TEX9: variants seen among roughly 807,000 people sequenced by gnomAD.
TEX9 encodes the protein testis-expressed protein 9.
A neutral mutation model predicts 59.6 loss-of-function variants in TEX9; 74 were observed. The observed-to-expected ratio is 1.24, with a 90% CI of 1.03 to 1.51. The LOEUF (loss-of-function observed/expected upper bound fraction) is 1.51. TEX9 is among the 40% of genes most tolerant of loss of function. The pLI is 0.00. For synonymous variants in TEX9, 186 were observed against 152.2 expected (o/e 1.22, Z -1.64); for missense variants, 522 against 447.8 (o/e 1.17, Z -1.49).
At chr15:56,369,266 T>C (rs1213342111) in intron 2 of TEX9, among the ~76,000 whole-genome samples, 1 of 151,870 alleles carries the variant, frequency 6.6e-6, no homozygotes, top group Admixed American at 6.6e-5. Context: ...TTATGGCTCA[T>C]TGCAGCTTCC....
rs754376563 is a variant in TEX9, at chr15:56,412,314, A to G, written c.841A>G (p.Lys281Glu). The change falls in exon 10 of 13, where the codon AAA (lysine) becomes GAA (glutamate). Residue 281 changes from lysine (K) to glutamate (E), a missense_variant. Lys to Glu is a moderately conservative substitution (Grantham distance 56). Coordinates refer to ENST00000352903, the Ensembl canonical transcript of TEX9. ...TTTTACTATACAGGAATTAGAAAAT[A>G]AAAGAAGACTGCAAAAACAGGCTGC... 2.1e-5 allele frequency: 34 copies of G among 1,609,356 alleles called. No individual in the cohort carries two copies. The highest frequency in any genetic ancestry group is 2.7e-5 in the Non-Finnish European group (32 of 1,178,682).
At chr15:56,453,454 T>A in the TEX9 span, among the ~76,000 whole-genome samples, 1 of 152,150 alleles carries the variant, frequency 6.6e-6, no homozygotes, top group African/African-American at 2.4e-5. Context: ...AGCTTGATTA[T>A]CAGTCCAGAA....
At chr15:56,443,056 T>C (rs184850131) in intron 12 of TEX9, among the ~76,000 whole-genome samples, 10 of 152,310 alleles carry the variant, frequency 6.6e-5, no homozygotes, top group Admixed American at 6.5e-4. Flanking sequence ...GAATTTACTG[T>C]ATTATCATGA....
intron 1 of TEX9, among the ~76,000 whole-genome samples, chr15:56,324,637 G>A (rs1318961023): frequency 6.6e-6 from 1 of 152,216 alleles, no homozygotes; most frequent in Admixed American, 6.5e-5. Flanking sequence ...GTATGGAAAT[G>A]TGGTGAACTC....
At chr15:56,342,359 A>G (rs1853463355) in intron 1 of TEX9, among the ~76,000 whole-genome samples, 1 of 152,170 alleles carries the variant, frequency 6.6e-6, no homozygotes, top group South Asian at 2.1e-4. Flanking sequence ...ACCTCTACTC[A>G]GTTTTTGAAA....
intron 3 of TEX9, 138 bp from the exon 4 acceptor site, chr15:56,383,814 A>G (rs2047841102): frequency 3.5e-6 from 2 of 570,158 alleles, no homozygotes; most frequent in African/African-American, 1.9e-5. Context: ...ATACTATAGC[A>G]TTTAGAATTC....
chr15:56,267,509 G>T (rs111586643), intron 1 of TEX9, among the ~76,000 whole-genome samples: 1 of 152,098 alleles, frequency 6.6e-6, no homozygotes, highest in African/African-American at 2.4e-5. Context: ...TTCGTATAAC[G>T]TGTAAGGAAG....
intron 1 of TEX9, among the ~76,000 whole-genome samples, chr15:56,285,664 A>G (rs1189596327): frequency 6.6e-6 from 1 of 152,204 alleles, no homozygotes; most frequent in Non-Finnish European, 1.5e-5. Flanking sequence ...CAGTACTCTT[A>G]AGGAAATTAA....
intron 9 of TEX9, among the ~76,000 whole-genome samples, chr15:56,411,330 ATAAAGT>A (rs548506333): frequency 8.5e-4 from 129 of 152,336 alleles, no homozygotes; most frequent in African/African-American, 2.8e-3. Context: ...AGTGGGGGAA[ATAAAGT>A]TAAGGGATAG....
chr15:56,268,059 C>T (rs1393729203), intron 1 of TEX9, among the ~76,000 whole-genome samples: 1 of 152,074 alleles, frequency 6.6e-6, no homozygotes. Flanking sequence ...AAGTTGGATT[C>T]GTAGGTATTT....
chr15:56,369,250 G>T (rs1429255416), intron 2 of TEX9, among the ~76,000 whole-genome samples: 2 of 152,082 alleles, frequency 1.3e-5, no homozygotes, highest in Non-Finnish European at 2.9e-5. Context: ...GAGTGCAGTG[G>T]TGTGATTATG....
At chr15:56,316,181 C>T (rs1316096308) in intron 1 of TEX9, among the ~76,000 whole-genome samples, 5 of 144,366 alleles carry the variant, frequency 3.5e-5, no homozygotes, top group Admixed American at 1.4e-4. Context: ...CAGCTTTGTT[C>T]CGTTGCTGGT....
chr15:56,383,960 G>T (rs773835575), exon 4 of TEX9: 1 of 1,610,006 alleles, frequency 6.2e-7, no homozygotes, highest in African/African-American at 1.3e-5. Flanking sequence ...AGAGAGATCG[G>T]CAAGAAGTAC....
chr15:56,440,930 T>G (rs367664840), intron 12 of TEX9, among the ~76,000 whole-genome samples: 3 of 152,186 alleles, frequency 2.0e-5, no homozygotes, highest in South Asian at 4.1e-4. Flanking sequence ...TAGACTATTG[T>G]GAATAATGCT....
At chr15:56,453,623 AATAC>A in the TEX9 span, among the ~76,000 whole-genome samples, 36 of 152,300 alleles carry the variant, frequency 2.4e-4, no homozygotes, top group African/African-American at 8.2e-4. Flanking sequence ...CTGTGTAATA[AATAC>A]ATTTAGTTAA....
rs187174801 is a variant in TEX9, at chr15:56,292,357, G to A, written c.-107+48079G>A. On this transcript the variant is annotated intron_variant, in intron 1 of 5. Coordinates refer to the TEX9 transcript ENST00000560827. ...AGAGAGTAATGAACACACTGGCAGA[G>A]AGCATCATGAAGAGGAAGGACTATT... Among the ~76,000 whole-genome samples the A allele has an allele frequency of 2.6e-4, 40 of 152,324 alleles. No homozygotes were observed. In the East Asian group the frequency reaches 7.5e-3, roughly 29 times the overall value.
At chr15:56,307,968 A>T (rs948477555) in intron 1 of TEX9, among the ~76,000 whole-genome samples, 3 of 152,148 alleles carry the variant, frequency 2.0e-5, no homozygotes, top group Non-Finnish European at 4.4e-5. Flanking sequence ...TATTTTGTTT[A>T]TCCATTCAGT....
intron 1 of TEX9, among the ~76,000 whole-genome samples, chr15:56,294,642 A>C (rs914178183): frequency 6.6e-6 from 1 of 152,172 alleles, no homozygotes; most frequent in Non-Finnish European, 1.5e-5. Context: ...AAATTTTTAT[A>C]ATCCTAGCTA....
rs57939887 is a variant in TEX9 at position 56,247,864 on chromosome 15, T to G, written c.-107+3586T>G. 7.5e-3 allele frequency among the ~76,000 whole-genome samples: 1,141 copies of G among 152,352 alleles called. 20 individuals are homozygous for G. The highest frequency in any genetic ancestry group is 0.027 in the African/African-American group (1,113 of 41,578). On this transcript the variant is annotated intron_variant, in intron 1 of 5. Coordinates refer to the TEX9 transcript ENST00000560827. ...AAATAAAATACTCCTCTCATCCTCT[T>G]TTCCCCTGATCATTACTTCCTCTGT...
Sources: gnomAD v4.1 joint callset for allele counts (sites outside exome capture counted in the v4.1 genomes callset) on GRCh38, gnomAD v4.1.1 for gene constraint, MANE v1.5 for transcripts, NCBI Gene and HGNC (gene_info 2026-07-23, HGNC 2026-07-21) for gene names.